MYO7A: variants seen among roughly 807,000 people sequenced by gnomAD.
The protein encoded by MYO7A is unconventional myosin-VIIa.
Under a neutral mutation model 263.8 loss-of-function variants are expected in MYO7A, and 210 were observed. That is an observed-to-expected ratio of 0.80 (90% confidence interval 0.71 to 0.89). The LOEUF is 0.89. MYO7A is among the 40% of genes least tolerant of loss of function. The probability of loss-of-function intolerance (pLI) is 0.00; values close to 1 mark genes in which losing one functional copy is unlikely to be tolerated. For missense variants in MYO7A, 2,820 were observed against 2,968.3 expected (o/e 0.95, Z 1.16); for synonymous variants, 1,239 against 1,197.3 (o/e 1.03, Z -0.72).
chr11:77,212,105 G>A (rs1009991183), intron 46 of MYO7A, 168 bp downstream of exon 46: 8 of 705,256 alleles, frequency 1.1e-5, no homozygotes, highest in Admixed American at 2.0e-5. Flanking sequence ...TCTTAGCTGG[G>A]GTAAGTCCTG....
intron 2 of MYO7A, among the ~76,000 whole-genome samples, chr11:77,140,548 C>G (rs532853534): frequency 6.6e-6 from 1 of 152,224 alleles, no homozygotes; most frequent in African/African-American, 2.4e-5. Flanking sequence ...TCTCTCTCAC[C>G]GAGGCCCGCT....
chr11:77,187,054 T>G (rs1591400428), intron 27 of MYO7A, among the ~76,000 whole-genome samples: 1 of 152,070 alleles, frequency 6.6e-6, no homozygotes, highest in Non-Finnish European at 1.5e-5. Context: ...GAATGGCTGG[T>G]TGGTAGAGCA....
chr11:77,179,054 T>C lies in MYO7A; in HGVS notation c.2292T>C (p.Phe764=). Residue 764 remains phenylalanine, a synonymous_variant, in exon 20 of 49, where the codon TTT becomes TTC. Coordinates refer to ENST00000409709, the MANE Select transcript of MYO7A (RefSeq NM_000260.4). ...ACTACTGCTGTTTCAGGTCTAACTTTCTGAAGCTGAAGAACGCTGCCACAC... is the reference window on the plus strand; with the variant it reads ...ACTACTGCTGTTTCAGGTCTAACTTCCTGAAGCTGAAGAACGCTGCCACAC... ...VIRGFKDRSN[F]LKLKNAATLI... The C allele has an allele frequency of 6.2e-7, 1 of 1,606,328 alleles. No individual in the cohort carries two copies.
At position 77,184,657 on chromosome 11, in the gene MYO7A, T is replaced by A. The variant is rs1955525911; in HGVS notation, c.3445T>A (p.Ser1149Thr). ...GNSMLEDRPT[S>T]NLEKLHFIIG... ...CAGCATGCTGGAGGACCGGCCCACC[T>A]CCAACCTGGAGAAGCTGCACTTCAT... The change falls in exon 27 of 49, where the codon TCC (serine) becomes ACC (threonine). Residue 1149 changes from serine (S) to threonine (T), a missense_variant. Physicochemically the swap from Ser to Thr is moderately conservative, Grantham distance 58 (BLOSUM62 1). Coordinates refer to ENST00000409709, the MANE Select transcript of MYO7A (RefSeq NM_000260.4). The A allele has an allele frequency of 6.3e-7, 1 of 1,592,222 alleles. No homozygotes were observed. The highest frequency in any genetic ancestry group is 1.3e-5 in the African/African-American group (1 of 74,504).
intron 3 of MYO7A, among the ~76,000 whole-genome samples, chr11:77,145,664 G>C (rs555662204): frequency 4.6e-5 from 7 of 152,190 alleles, no homozygotes; most frequent in Non-Finnish European, 8.8e-5. Context: ...ACACGGGACT[G>C]GAAAGTCCAG....
chr11:77,192,203 G>A lies in MYO7A; in HGVS notation c.4077G>A (p.Glu1359=), dbSNP rs775841676. ...EVFTPWHSPS[E]DNVATNLIYQ... ...TCACGCCCTGGCACAGCCCCTCCGA[G>A]GACAACGTGGCCACCAACCTCATCT... Residue 1359 remains glutamate (E), a synonymous_variant, in exon 31 of 49, where the codon GAG becomes GAA. Transcript: ENST00000409709. 3 of 1,613,938 alleles carry A rather than the reference G, an allele frequency of 1.9e-6. No homozygotes were observed. The Admixed American group carries it at 5.0e-5, about 27-fold the overall frequency.
intron 27 of MYO7A, among the ~76,000 whole-genome samples, chr11:77,186,241 G>A (rs1441445365): frequency 6.6e-6 from 1 of 152,120 alleles, no homozygotes; most frequent in African/African-American, 2.4e-5. Flanking sequence ...ATTTTTAAGA[G>A]CCCCAGAATT....
intron 36 of MYO7A, among the ~76,000 whole-genome samples, 168 bp from the exon 37 acceptor site, chr11:77,202,132 G>T (rs879827452): frequency 6.6e-6 from 1 of 152,152 alleles, no homozygotes; most frequent in Non-Finnish European, 1.5e-5. Flanking sequence ...AGGCAGCAGG[G>T]ACCTCAGAGA....
chr11:77,214,087 C>G, intron 48 of MYO7A, 108 bp downstream of exon 48: 1 of 1,489,624 alleles, frequency 6.7e-7, no homozygotes, highest in Non-Finnish European at 9.1e-7. Flanking sequence ...GGCCTGGGGT[C>G]GTGGGCAAGG....
chr11:77,210,947 G>A, intron 44 of MYO7A: 1 of 547,714 alleles, frequency 1.8e-6, no homozygotes, highest in Non-Finnish European at 3.2e-6. Flanking sequence ...ACTGCCAACT[G>A]CTGAGTCTGT....
intron 16 of MYO7A, among the ~76,000 whole-genome samples, chr11:77,174,188 C>T (rs1387258846): frequency 6.6e-6 from 1 of 152,194 alleles, no homozygotes; most frequent in Non-Finnish European, 1.5e-5. Flanking sequence ...TCTCCCCAGC[C>T]CCTCCACCAA....
intron 15 of MYO7A, among the ~76,000 whole-genome samples, chr11:77,168,548 A>C (rs2135371015): frequency 6.6e-6 from 1 of 152,288 alleles, no homozygotes; most frequent in South Asian, 2.1e-4. Flanking sequence ...TGATCCCAGC[A>C]CTTTGGGAGG....
chr11:77,180,531 C>A (rs1955089575), intron 22 of MYO7A, 50 bp downstream of exon 22: 2 of 1,526,772 alleles, frequency 1.3e-6, no homozygotes, highest in Non-Finnish European at 1.8e-6. Flanking sequence ...CTGGCTTGTC[C>A]CCTCCCCGAG....
intron 2 of MYO7A, among the ~76,000 whole-genome samples, chr11:77,137,515 C>T (rs1295928598): frequency 7.9e-5 from 12 of 152,166 alleles, no homozygotes; most frequent in East Asian, 1.9e-4. Context: ...CAGGGCAAGG[C>T]GAGAAGGAGG....
chr11:77,136,559 A>AC (rs1950910595), intron 2 of MYO7A, among the ~76,000 whole-genome samples: 1 of 151,508 alleles, frequency 6.6e-6, no homozygotes, highest in African/African-American at 2.4e-5. Flanking sequence ...TGTCTGCCTA[A>AC]AAAAAAAATC....
intron 39 of MYO7A, among the ~76,000 whole-genome samples, chr11:77,204,802 T>C (rs1957329422): frequency 6.6e-6 from 1 of 152,128 alleles, no homozygotes; most frequent in African/African-American, 2.4e-5. Context: ...CTACATCTCT[T>C]CCACAAATCC....
At chr11:77,171,974 G>A (rs964405281) in intron 15 of MYO7A, among the ~76,000 whole-genome samples, 6 of 152,172 alleles carry the variant, frequency 3.9e-5, no homozygotes, top group Admixed American at 2.6e-4. Flanking sequence ...TGGCTGCGTC[G>A]GAGCCACAGT....
intron 29 of MYO7A, 33 bp downstream of exon 29, chr11:77,190,172 ATGTG>A: frequency 6.5e-7 from 1 of 1,528,062 alleles, no homozygotes; most frequent in Non-Finnish European, 8.8e-7. Flanking sequence ...GCTCGTGTGC[ATGTG>A]TGCGCACGTG....
In MYO7A at chr11:77,191,773, A is replaced by T. The variant is rs77574067; in HGVS notation, c.3925-278A>T. ...CTGGATTTTTCTCACCGATGCTCTT[A>T]TGTTTCCAGGTACTGTCTGTTCAGT... On this transcript the variant is annotated intron_variant, in intron 30 of 48. Transcript: ENST00000409709. Among the ~76,000 whole-genome samples the T allele has an allele frequency of 3.2e-3, 481 of 152,050 alleles. 18 individuals carry two copies. The East Asian group carries it at 0.067, about 21-fold the overall frequency.
Sources: gnomAD v4.1 joint callset for allele counts (sites outside exome capture counted in the v4.1 genomes callset) on GRCh38, gnomAD v4.1.1 for gene constraint, MANE v1.5 for transcripts, NCBI Gene and HGNC (gene_info 2026-07-23, HGNC 2026-07-21) for gene names.